Variants in ZNF207 observed in about 807,000 individuals in gnomAD.
The protein encoded by ZNF207 is zinc finger protein 207.
ZNF207 carries 24 observed loss-of-function variants against 60.2 expected under a neutral mutation model. That is an observed-to-expected ratio of 0.40 (90% CI 0.29 to 0.56). The LOEUF (loss-of-function observed/expected upper bound fraction) is 0.56. ZNF207 is among the 20% of genes least tolerant of loss of function. The pLI is 0.49. For synonymous variants in ZNF207, 236 were observed against 194.7 expected, an observed-to-expected ratio of 1.21 and a Z score of -1.77; for missense variants, 452 against 636.6, an observed-to-expected ratio of 0.71 and a Z score of 3.12.
rs761070090 is a variant in ZNF207 at position 32,369,651 on chromosome 17, G to T, written c.1377G>T (p.Met459Ile). 4.4e-6 allele frequency: 7 copies of T among 1,589,422 alleles called. No homozygotes were observed. The highest frequency in any genetic ancestry group is 5.1e-6 in the Non-Finnish European group (6 of 1,168,100). Residue 459 changes from methionine (M) to isoleucine (I), a missense_variant, in exon 12 of 12, where the codon ATG (methionine) becomes ATT (isoleucine). Physicochemically the swap from Met to Ile is conservative, Grantham distance 10. Transcript: ENST00000394670. ...TGCCAGGATACCTTCCTGGTGCTAT[G>T]CCCCCGTATGGGCAGGGACCGCCAA... ...QGMPGYLPGA[M>I]PPYGQGPPMV...
intron 3 of ZNF207, among the ~76,000 whole-genome samples, chr17:32,359,576 C>A (rs1904739190): frequency 6.6e-6 from 1 of 151,148 alleles, no homozygotes; most frequent in Non-Finnish European, 1.5e-5. Context: ...TTTTCAGCCT[C>A]ACTTAAGCCC....
chr17:32,357,049 G>A (rs547417107), intron 2 of ZNF207, among the ~76,000 whole-genome samples: 2 of 152,090 alleles, frequency 1.3e-5, no homozygotes, highest in East Asian at 3.9e-4. Flanking sequence ...AGGCATGGCG[G>A]CACGCACCTG....
chr17:32,362,008 A>G (rs937611070), intron 6 of ZNF207, among the ~76,000 whole-genome samples: 13 of 152,216 alleles, frequency 8.5e-5, no homozygotes, highest in African/African-American at 2.2e-4. Flanking sequence ...AGGGGAAAAA[A>G]TAAGTGGGTT....
At chr17:32,350,901 G>T (rs1282221976) in intron 1 of ZNF207, 1 of 150,680 alleles carries the variant, frequency 6.6e-6, no homozygotes, top group East Asian at 1.9e-4. Flanking sequence ...TCACCCAGAG[G>T]CGCCTTAATC....
At chr17:32,364,007 G>A (rs544412456) in intron 7 of ZNF207, among the ~76,000 whole-genome samples, 4 of 149,720 alleles carry the variant, frequency 2.7e-5, no homozygotes, top group African/African-American at 7.4e-5. Context: ...AAGGGGTGTC[G>A]GTTGTAGTGC....
At chr17:32,353,056 C>G (rs1028023274) in intron 2 of ZNF207, among the ~76,000 whole-genome samples, 4 of 152,122 alleles carry the variant, frequency 2.6e-5, no homozygotes, top group African/African-American at 9.7e-5. Flanking sequence ...GGCCTGTAAT[C>G]CTGGCTACTG....
chr17:32,356,431 A>G (rs1412581625), intron 2 of ZNF207, among the ~76,000 whole-genome samples: 1 of 152,232 alleles, frequency 6.6e-6, no homozygotes, highest in Admixed American at 6.5e-5. Context: ...TTATCCATAA[A>G]TATTTTAATT....
intron 7 of ZNF207, among the ~76,000 whole-genome samples, chr17:32,364,361 C>CT (rs397858000): frequency 0.37 from 50,601 of 137,290 alleles, 10,270 homozygotes; most frequent in Non-Finnish European, 0.46. Context: ...GTTTTTTTTT[C>CT]TTTTTTTTTT....
chr17:32,358,658 GT>G lies in ZNF207; in HGVS notation c.307+21del. ...AAACACAAGGTAAATATTGGGATAAGTTTTATTTTATTTATTTATTTTTTTT... is the reference window on the plus strand; with the variant it reads ...AAACACAAGGTAAATATTGGGATAAGTTTATTTTATTTATTTATTTTTTTT... On this transcript the variant is annotated intron_variant, in intron 3 of 11. Coordinates refer to ENST00000394670, the MANE Select transcript of ZNF207 (RefSeq NM_001098507.2). The G allele has an allele frequency of 7.1e-7, 1 of 1,415,018 alleles. No homozygotes were observed. The highest frequency in any genetic ancestry group is 1.9e-5 in the South Asian group (1 of 51,768). 87.7% of individuals were successfully genotyped at this position (1,415,018 alleles called of 1,614,324 possible). A position where few individuals can be genotyped will look rare whatever the true frequency, so the allele number is the denominator to read the frequency against.
At position 32,379,258 on chromosome 17, in the gene ZNF207, A is replaced by G. The variant is rs1905792468; in HGVS notation, c.*9499A>G. ...ATATATTATAATTTTATCTTCTAAAATTAACTGAAATAGGACACTTTGATT... is the reference window on the plus strand; with the variant it reads ...ATATATTATAATTTTATCTTCTAAAGTTAACTGAAATAGGACACTTTGATT... On this transcript the variant is annotated 3_prime_UTR_variant, in exon 12 of 12. Transcript: ENST00000394670. 1 of 152,054 alleles carries G rather than the reference A, an allele frequency of 6.6e-6. No individual in the cohort carries two copies. Among genetic ancestry groups the G allele is most frequent in the Non-Finnish European group, 1.5e-5 (1 of 67,928 alleles). 9.4% of individuals were successfully genotyped at this position (152,054 alleles called of 1,614,324 possible). A position where few individuals can be genotyped will look rare whatever the true frequency, so the allele number is the denominator to read the frequency against.
intron 10 of ZNF207, chr17:32,369,091 C>A (rs1017292480): frequency 5.8e-6 from 3 of 516,338 alleles, no homozygotes; most frequent in African/African-American, 3.8e-5. Context: ...GTTAGCCATG[C>A]TTCAAGTTTA....
rs1231932527 is a variant in ZNF207, at chr17:32,381,195, T to C, written c.*11436T>C. ...GATTGCAAAGGTTAGTAAAGGGACCTGTCTGTCAGGTCAATCTTCGGTCTT... is the reference window on the plus strand; with the variant it reads ...GATTGCAAAGGTTAGTAAAGGGACCCGTCTGTCAGGTCAATCTTCGGTCTT... On this transcript the variant is annotated 3_prime_UTR_variant, in exon 12 of 12. Transcript: ENST00000394670. 1 of 152,220 alleles carries C rather than the reference T, an allele frequency of 6.6e-6. No homozygotes were observed. The highest frequency in any genetic ancestry group is 2.4e-5 in the African/African-American group (1 of 41,468). The allele number at this position is 152,220 out of a possible 1,614,324, so 9.4% of individuals were successfully genotyped here.
Position 32,369,998 on chromosome 17 carries a change from A to G in ZNF207, c.*239A>G. 8.0e-6 allele frequency: 3 copies of G among 376,886 alleles called. No individual in the cohort carries two copies. Among genetic ancestry groups the G allele is most frequent in the Non-Finnish European group, 1.3e-5 (3 of 224,104 alleles). The allele number at this position is 376,886 out of a possible 1,614,324, so 23.3% of individuals were successfully genotyped here. The stretch of plus-strand genomic sequence containing the variant: ...ATGGCTTCTTTTTCATGTTTCATCT[A>G]GGTTTTTAGAAGTGAAGTATAGTAA... On this transcript the variant is annotated 3_prime_UTR_variant, in exon 12 of 12. Coordinates refer to ENST00000394670, the MANE Select transcript of ZNF207 (RefSeq NM_001098507.2).
chr17:32,360,319 C>T (rs1027183485), intron 3 of ZNF207, among the ~76,000 whole-genome samples: 21 of 152,074 alleles, frequency 1.4e-4, no homozygotes, highest in African/African-American at 4.6e-4. Flanking sequence ...CACTGCTGTA[C>T]AGCCTGCATC....
At position 32,373,318 on chromosome 17, in the gene ZNF207, T is replaced by G. The variant is rs561324841; in HGVS notation, c.*3559T>G. 1.2e-4 allele frequency: 65 copies of G among 552,328 alleles called. No individual in the cohort carries two copies. The South Asian group carries it at 1.2e-3, about 10-fold the overall frequency. 34.2% of individuals were successfully genotyped at this position (552,328 alleles called of 1,614,324 possible). The stretch of plus-strand genomic sequence containing the variant: ...TTGCTTGCTTGATCATTGGGATTTT[T>G]AAAAAAAAAAATTTTAATGCATGTC... On this transcript the variant is annotated 3_prime_UTR_variant, in exon 12 of 12. Transcript: ENST00000394670.
At chr17:32,365,203 C>T (rs1905104809) in intron 7 of ZNF207, 127 bp from the exon 8 acceptor site, 1 of 1,042,558 alleles carries the variant, frequency 9.6e-7, no homozygotes, top group South Asian at 1.7e-5. Context: ...GGGGCAAATG[C>T]CTAAGTTCCT....
rs1905386411 is a variant in ZNF207 at position 32,369,840 on chromosome 17, A to G, written c.*81A>G. The G allele has an allele frequency of 7.5e-7, 1 of 1,325,098 alleles. No individual in the cohort carries two copies. The highest frequency in any genetic ancestry group is 9.8e-7 in the Non-Finnish European group (1 of 1,020,076). The allele number at this position is 1,325,098 out of a possible 1,614,324, so 82.1% of individuals were successfully genotyped here. ...TGTTTATATAGCCAAGCTTCCGTCA[A>G]TAAGGCTTCATTGTGACTTTAACAA... is the stretch of plus-strand genomic sequence containing the variant. On this transcript the variant is annotated 3_prime_UTR_variant, in exon 12 of 12. Transcript: ENST00000394670.
chr17:32,378,531 C>G lies in ZNF207; in HGVS notation c.*8772C>G, dbSNP rs1905760868. 6.6e-6 allele frequency: 1 copy of G among 151,682 alleles called. No individual in the cohort carries two copies. The highest frequency in any genetic ancestry group is 2.4e-5 in the African/African-American group (1 of 41,310). The allele number at this position is 151,682 out of a possible 1,614,324, so 9.4% of individuals were successfully genotyped here. A position where few individuals can be genotyped will look rare whatever the true frequency, so the allele number is the denominator to read the frequency against. ...CTTTTTTTGTAAACTATAACGTATC[C>G]CGTTGGTGTACCAGTGAGTTCATTT... is the stretch of plus-strand genomic sequence containing the variant. On this transcript the variant is annotated 3_prime_UTR_variant, in exon 12 of 12. Transcript: ENST00000394670.
In ZNF207 at chr17:32,369,816, GT is replaced by G. The variant is rs1905385100; in HGVS notation, c.*60del. 3 of 1,368,172 alleles carry G rather than the reference GT, an allele frequency of 2.2e-6. No homozygotes were observed. The highest frequency in any genetic ancestry group is 4.7e-5 in the South Asian group (2 of 42,150). 84.8% of individuals were successfully genotyped at this position (1,368,172 alleles called of 1,614,324 possible). A position where few individuals can be genotyped will look rare whatever the true frequency, so the allele number is the denominator to read the frequency against. Reference sequence around the variant, plus strand: ...ATTAAACCTTTTCTCAACTTGTGCTGTTTATATAGCCAAGCTTCCGTCAATA... The same window carrying G: ...ATTAAACCTTTTCTCAACTTGTGCTGTTATATAGCCAAGCTTCCGTCAATA... On this transcript the variant is annotated 3_prime_UTR_variant, in exon 12 of 12. Coordinates refer to ENST00000394670, the MANE Select transcript of ZNF207 (RefSeq NM_001098507.2).
Sources: allele counts gnomAD v4.1 joint callset (sites outside exome capture counted in the v4.1 genomes callset), GRCh38; gene constraint gnomAD v4.1.1; transcripts MANE v1.5; gene names NCBI Gene and HGNC (gene_info 2026-07-23, HGNC 2026-07-21).